SORT1: variants seen among roughly 807,000 people sequenced by gnomAD.
SORT1 encodes sortilin.
SORT1 carries 39 observed loss-of-function variants against 101.7 expected under a neutral mutation model. The observed-to-expected ratio is 0.38, with a 90% CI of 0.30 to 0.50. The LOEUF (loss-of-function observed/expected upper bound fraction) is 0.50. SORT1 is among the 20% of genes least tolerant of loss of function. SORT1 has a pLI of 0.90. For synonymous variants in SORT1, 396 were observed against 393.7 expected (o/e 1.01, Z -0.07); for missense variants, 878 against 1,040.4 (o/e 0.84, Z 2.15).
intron 10 of SORT1, among the ~76,000 whole-genome samples, chr1:109,340,335 A>G (rs1472556877): frequency 6.6e-6 from 1 of 152,164 alleles, no homozygotes; most frequent in Non-Finnish European, 1.5e-5. Flanking sequence ...TTCTGCTTAC[A>G]TGAGCTACCT....
chr1:109,329,403 G>A (rs1262464025), intron 11 of SORT1, among the ~76,000 whole-genome samples: 1 of 152,070 alleles, frequency 6.6e-6, no homozygotes, highest in Non-Finnish European at 1.5e-5. Context: ...ACAGGCGCCT[G>A]CCACCACACC....
At chr1:109,364,162 T>TGTA (rs1650924929) in intron 3 of SORT1, among the ~76,000 whole-genome samples, 1 of 152,090 alleles carries the variant, frequency 6.6e-6, no homozygotes, top group Non-Finnish European at 1.5e-5. Context: ...ACAAATAGAA[T>TGTA]TGCACTCTAG....
chr1:109,382,542 G>A (rs1217168482), intron 1 of SORT1, among the ~76,000 whole-genome samples: 6 of 152,180 alleles, frequency 3.9e-5, no homozygotes, highest in Non-Finnish European at 8.8e-5. Context: ...GAACATAGGT[G>A]GTCTTGATGT....
At chr1:109,387,777 C>T (rs886328693) in intron 1 of SORT1, among the ~76,000 whole-genome samples, 4 of 152,020 alleles carry the variant, frequency 2.6e-5, no homozygotes, top group Non-Finnish European at 2.9e-5. Flanking sequence ...ATGGTGAAAC[C>T]CCATCTCTAC....
chr1:109,397,482 G>T, intron 1 of SORT1, 105 bp downstream of exon 1: 1 of 781,484 alleles, frequency 1.3e-6, no homozygotes. Context: ...ACGCGGGCGC[G>T]GCAGGGCTGG....
intron 17 of SORT1, 65 bp from the exon 18 acceptor site, chr1:109,314,843 C>G: frequency 1.2e-6 from 1 of 828,846 alleles, no homozygotes; most frequent in South Asian, 1.5e-5. Context: ...GAGGTCAAGG[C>G]AGCCACTCAT....
chr1:109,366,461 C>T (rs559342414), intron 3 of SORT1, among the ~76,000 whole-genome samples: 134 of 152,320 alleles, frequency 8.8e-4, no homozygotes, highest in African/African-American at 3.1e-3. Context: ...AAACCCCATA[C>T]TACCTTCCCA....
At chr1:109,320,865 T>A (rs1647581016) in intron 15 of SORT1, among the ~76,000 whole-genome samples, 1 of 152,198 alleles carries the variant, frequency 6.6e-6, no homozygotes, top group Non-Finnish European at 1.5e-5. Context: ...GCTGAAGATA[T>A]CACCCCTCAA....
chr1:109,347,332 T>G (rs1649671226), intron 7 of SORT1, 151 bp downstream of exon 7: 2 of 572,544 alleles, frequency 3.5e-6, no homozygotes, highest in Non-Finnish European at 6.3e-6. Context: ...GGTTTTACTT[T>G]CAAGATTTTA....
intron 15 of SORT1, 128 bp from the exon 16 acceptor site, chr1:109,318,097 G>A (rs948291252): frequency 3.3e-6 from 2 of 609,330 alleles, no homozygotes; most frequent in African/African-American, 1.8e-5. Flanking sequence ...AAGTAGCTCA[G>A]GAAGTCCTGT....
chr1:109,364,725 T>C (rs1650967713), intron 3 of SORT1, among the ~76,000 whole-genome samples: 2 of 152,188 alleles, frequency 1.3e-5, no homozygotes, highest in African/African-American at 2.4e-5. Flanking sequence ...GCAATCTGCC[T>C]GAAGGCTTCA....
At chr1:109,381,828 C>A (rs138354947) in intron 1 of SORT1, among the ~76,000 whole-genome samples, 2,178 of 152,030 alleles carry the variant, frequency 0.014, 32 homozygotes, top group Middle Eastern at 0.034. Context: ...TGTGCCACTG[C>A]ACTCTAGTCT....
At chr1:109,356,240 C>T (rs1207949832) in intron 3 of SORT1, among the ~76,000 whole-genome samples, 3 of 152,084 alleles carry the variant, frequency 2.0e-5, no homozygotes, top group Non-Finnish European at 2.9e-5. Flanking sequence ...TAGTGGCCAG[C>T]GATGTTGCCA....
intron 1 of SORT1, among the ~76,000 whole-genome samples, chr1:109,372,306 T>C (rs1034875746): frequency 1.4e-4 from 21 of 152,180 alleles, no homozygotes; most frequent in African/African-American, 4.8e-4. Flanking sequence ...ACCTTGCCTG[T>C]CCTCCCCACT....
At chr1:109,390,029 G>A (rs181293957) in intron 1 of SORT1, 1 of 152,082 alleles carries the variant, frequency 6.6e-6, no homozygotes, top group East Asian at 1.9e-4. Context: ...ATGTTTTCCT[G>A]GAAACCTTAG....
chr1:109,368,293 C>CAAAA (rs35637507), intron 2 of SORT1, among the ~76,000 whole-genome samples: 1 of 59,418 alleles, frequency 1.7e-5, no homozygotes, highest in Non-Finnish European at 3.3e-5. Context: ...GACTCTGTCT[C>CAAAA]AAAAAAAAAA....
intron 3 of SORT1, among the ~76,000 whole-genome samples, 183 bp from the exon 4 acceptor site, chr1:109,355,652 C>CA (rs1286748631): frequency 3.6e-5 from 5 of 137,822 alleles, no homozygotes; most frequent in Non-Finnish European, 4.8e-5. Flanking sequence ...CCCGCCCCCC[C>CA]CCCCACAAAC....
At chr1:109,386,389 G>A (rs986432901) in intron 1 of SORT1, among the ~76,000 whole-genome samples, 2 of 152,064 alleles carry the variant, frequency 1.3e-5, no homozygotes, top group Non-Finnish European at 2.9e-5. Context: ...GAAGAGAACA[G>A]GAAAAACTAA....
chr1:109,346,314 T>C (rs906739086), intron 7 of SORT1, among the ~76,000 whole-genome samples: 1 of 86,802 alleles, frequency 1.2e-5, no homozygotes, highest in Non-Finnish European at 2.5e-5. Context: ...CTCCGTCTCA[T>C]AAAAAAAAAA....
Sources: allele counts gnomAD v4.1 joint callset (sites outside exome capture counted in the v4.1 genomes callset), GRCh38; gene constraint gnomAD v4.1.1; transcripts MANE v1.5; gene names NCBI Gene and HGNC (gene_info 2026-07-23, HGNC 2026-07-21).